The following DSCAM variants were observed in gnomAD, a reference collection of about 807,000 sequenced individuals.
DSCAM encodes cell adhesion molecule DSCAM.
A neutral mutation model predicts 217.7 loss-of-function variants in DSCAM; 47 were observed. The ratio of observed to expected loss-of-function variants is 0.22; its 90% CI spans 0.17 to 0.28. DSCAM has a LOEUF of 0.28. Among genes scored for constraint, DSCAM ranks in the 10% least tolerant of loss-of-function variants. The pLI is 1.00. For missense variants in DSCAM, 2,080 were observed against 2,618.3 expected (o/e 0.79, Z 4.49); for synonymous variants, 1,056 against 1,015.3 (o/e 1.04, Z -0.76).
At chr21:40,022,627 A>G (rs1455485198) in intron 32 of DSCAM, among the ~76,000 whole-genome samples, 2 of 152,182 alleles carry the variant, frequency 1.3e-5, no homozygotes, top group Non-Finnish European at 2.9e-5. Context: ...CTGAGGCAGG[A>G]GCTGATTCCA....
At position 40,698,959 on chromosome 21, in the gene DSCAM, G is replaced by A. The variant is rs868582142; in HGVS notation, c.362-6003C>T. Among the ~76,000 whole-genome samples, 30 of 150,334 alleles carry A rather than the reference G, an allele frequency of 2.0e-4. 1 individual carries two copies. The highest frequency in any genetic ancestry group is 3.3e-4 in the Admixed American group (5 of 15,062). The stretch of plus-strand genomic sequence containing the variant: ...TTTGCATCTGGATGGCTGTATGTGC[G>A]TTTCTCACATGAAATACTCATTTTA... On this transcript the variant is annotated intron_variant, in intron 2 of 32. Transcript: ENST00000400454.
At chr21:40,451,695 TAAATC>T (rs904151845) in intron 3 of DSCAM, among the ~76,000 whole-genome samples, 4 of 152,172 alleles carry the variant, frequency 2.6e-5, no homozygotes, top group Admixed American at 1.3e-4. Context: ...AGTGTACAAA[TAAATC>T]AAATCACTAG....
intron 11 of DSCAM, among the ~76,000 whole-genome samples, chr21:40,227,556 ACT>A (rs2091344569): frequency 6.6e-6 from 1 of 152,076 alleles, no homozygotes; most frequent in Non-Finnish European, 1.5e-5. Context: ...AAATGTGATG[ACT>A]CTGTCTTAAG....
chr21:40,411,209 C>CAT (rs1214587725), intron 3 of DSCAM, among the ~76,000 whole-genome samples: 2 of 151,272 alleles, frequency 1.3e-5, no homozygotes, highest in East Asian at 4.0e-4. Flanking sequence ...CACACACACA[C>CAT]ACACACACAC....
At chr21:40,753,609 A>G (rs775085994) in intron 1 of DSCAM, among the ~76,000 whole-genome samples, 1 of 152,352 alleles carries the variant, frequency 6.6e-6, no homozygotes, top group East Asian at 1.9e-4. Context: ...CATTACTATC[A>G]GAGTAGCCAG....
intron 8 of DSCAM, among the ~76,000 whole-genome samples, chr21:40,319,600 A>C (rs542721275): frequency 4.6e-5 from 7 of 152,160 alleles, no homozygotes; most frequent in African/African-American, 1.4e-4. Context: ...CTGGATATAC[A>C]CCCAGTAGTG....
chr21:40,132,052 T>G (rs1452970899), intron 19 of DSCAM, among the ~76,000 whole-genome samples: 1 of 152,196 alleles, frequency 6.6e-6, no homozygotes, highest in Non-Finnish European at 1.5e-5. Context: ...TGCAAAACAT[T>G]TTGTGGATGA....
At chr21:40,140,694 G>A (rs888567401) in intron 18 of DSCAM, among the ~76,000 whole-genome samples, 7 of 152,178 alleles carry the variant, frequency 4.6e-5, no homozygotes, top group African/African-American at 1.7e-4. Flanking sequence ...TCTTTACTCT[G>A]GGGTGTTTTA....
chr21:40,251,389 T>C (rs1208081501), intron 11 of DSCAM, among the ~76,000 whole-genome samples: 3 of 152,166 alleles, frequency 2.0e-5, no homozygotes, highest in African/African-American at 4.8e-5. Context: ...TTTATCACTA[T>C]ATTAATTTTT....
chr21:40,099,290 CT>C (rs2089721043), intron 20 of DSCAM, among the ~76,000 whole-genome samples: 2 of 152,114 alleles, frequency 1.3e-5, no homozygotes, highest in South Asian at 4.1e-4. Flanking sequence ...TAAAATATGA[CT>C]TTTTATGCAA....
chr21:40,114,290 C>A (rs1601344408), intron 20 of DSCAM, among the ~76,000 whole-genome samples: 1 of 148,636 alleles, frequency 6.7e-6, no homozygotes, highest in African/African-American at 2.4e-5. Flanking sequence ...TTTGACAAAC[C>A]TGAGAAAAAC....
At chr21:40,837,790 T>C (rs77660813) in intron 1 of DSCAM, among the ~76,000 whole-genome samples, 1 of 152,372 alleles carries the variant, frequency 6.6e-6, no homozygotes, top group East Asian at 1.9e-4. Context: ...CCCGTTTTGC[T>C]GGTAGAGGCC....
intron 1 of DSCAM, among the ~76,000 whole-genome samples, chr21:40,746,363 A>C (rs555534484): frequency 8.8e-6 from 1 of 113,350 alleles, no homozygotes; most frequent in South Asian, 3.2e-4. Context: ...AGATATTCCA[A>C]ACAAATTGAA....
intron 3 of DSCAM, among the ~76,000 whole-genome samples, chr21:40,474,804 C>T (rs1020228281): frequency 6.6e-6 from 1 of 152,134 alleles, no homozygotes; most frequent in Admixed American, 6.5e-5. Context: ...AGTCCGTGTC[C>T]ATTAGAGACT....
At position 40,647,558 on chromosome 21, in the gene DSCAM, T is replaced by C. The variant is rs140137609; in HGVS notation, c.508+45252A>G. On this transcript the variant is annotated intron_variant, in intron 3 of 32. Coordinates refer to ENST00000400454, the MANE Select transcript of DSCAM (RefSeq NM_001389.5). ...AATCATAGTCCAAAGTCAGGTTCTCTTGTCTAAAATAGCAAAATTTCTAGT... is the reference window on the plus strand; with the variant it reads ...AATCATAGTCCAAAGTCAGGTTCTCCTGTCTAAAATAGCAAAATTTCTAGT... Among the ~76,000 whole-genome samples the C allele has an allele frequency of 2.1e-3, 322 of 152,320 alleles. 1 individual carries two copies. The highest frequency in any genetic ancestry group is 7.2e-3 in the African/African-American group (298 of 41,574).
Position 40,042,572 on chromosome 21 carries a change from G to C in DSCAM, c.5485C>G (p.His1829Asp). The C allele has an allele frequency of 6.2e-7, 1 of 1,614,164 alleles. No individual in the cohort carries two copies. The highest frequency in any genetic ancestry group is 2.2e-5 in the East Asian group (1 of 44,866). Residue 1829 changes from histidine (H) to aspartate (D), a missense_variant, in exon 32 of 33, where the codon CAC (histidine) becomes GAC (aspartate). Physicochemically the swap from His to Asp is moderately conservative, Grantham distance 81. Coordinates refer to ENST00000400454, the MANE Select transcript of DSCAM (RefSeq NM_001389.5). ...EHAKMEEQLR[H>D]AKFTITECFI... ...CACTCCGTGATGGTGAACTTGGCGT[G>C]CCTCAGTTGCTCTTCCATCTTGGCG...
chr21:40,811,657 A>G (rs943056019), intron 1 of DSCAM, among the ~76,000 whole-genome samples: 33 of 152,316 alleles, frequency 2.2e-4, no homozygotes, highest in African/African-American at 7.0e-4. Context: ...TGCAGACAGA[A>G]AGGAGAAATC....
intron 3 of DSCAM, among the ~76,000 whole-genome samples, chr21:40,465,551 C>G (rs1206167262): frequency 6.6e-6 from 1 of 152,178 alleles, no homozygotes. Context: ...TCCTTTAGAG[C>G]ACGCATGTCC....
At chr21:40,059,896 A>G (rs1191246084) in intron 28 of DSCAM, among the ~76,000 whole-genome samples, 2 of 152,170 alleles carry the variant, frequency 1.3e-5, no homozygotes, top group Non-Finnish European at 2.9e-5. Flanking sequence ...TCTCTCTGCC[A>G]GTGGACATGA....
Sources: allele counts gnomAD v4.1 joint callset (sites outside exome capture counted in the v4.1 genomes callset), GRCh38; gene constraint gnomAD v4.1.1; transcripts MANE v1.5; gene names NCBI Gene and HGNC (gene_info 2026-07-23, HGNC 2026-07-21).